PIEZO2: variants seen among roughly 807,000 people sequenced by gnomAD.
PIEZO2 encodes piezo type mechanosensitive ion channel component 2.
PIEZO2 carries 172 observed loss-of-function variants against 337.3 expected under a neutral mutation model. The observed-to-expected ratio is 0.51, with a 90% CI of 0.45 to 0.58. The LOEUF (loss-of-function observed/expected upper bound fraction) is 0.58, where lower values mean the gene tolerates loss of function less well. Among genes scored for constraint, PIEZO2 ranks in the 20% least tolerant of loss-of-function variants. PIEZO2 has a pLI of 0.00. For synonymous variants in PIEZO2, 1,251 were observed against 1,228.5 expected, an observed-to-expected ratio of 1.02 and a Z score of -0.38; for missense variants, 3,028 against 3,391.3, an observed-to-expected ratio of 0.89 and a Z score of 2.66.
At position 10,727,059 on chromosome 18, in the gene PIEZO2, G is replaced by GC. The variant is rs2036573540; in HGVS notation, c.5029+4347dup. On this transcript the variant is annotated intron_variant, in intron 36 of 55. Coordinates refer to ENST00000674853, the MANE Select transcript of PIEZO2 (RefSeq NM_001378183.1). The surrounding 1 kb of genome is among the most constrained non-coding windows in gnomAD (Gnocchi z 6.3). ...GTGTTTCTTGGGGGGTGTTGGGAGG[G>GC]CAGGAGCATTCCTTGAGAAGGAGTG... 1.8e-6 allele frequency: 1 copy of GC among 564,884 alleles called. No homozygotes were observed. Among genetic ancestry groups the GC allele is most frequent in the Admixed American group, 3.6e-5 (1 of 27,884 alleles). 35.0% of individuals were successfully genotyped at this position (564,884 alleles called of 1,614,324 possible).
At chr18:10,693,472 C>A (rs967157617) in intron 47 of PIEZO2, among the ~76,000 whole-genome samples, 1 of 151,714 alleles carries the variant, frequency 6.6e-6, no homozygotes. Flanking sequence ...AGGGTTCAAG[C>A]GATTCTCCTG....
intron 4 of PIEZO2, among the ~76,000 whole-genome samples, chr18:10,875,820 A>G (rs1161259502): frequency 3.3e-5 from 5 of 152,190 alleles, no homozygotes; most frequent in Admixed American, 2.6e-4. Flanking sequence ...TTGGTCCCAA[A>G]AGAGACATTT....
chr18:10,840,741 G>C (rs184098272), intron 7 of PIEZO2, among the ~76,000 whole-genome samples: 1 of 152,298 alleles, frequency 6.6e-6, no homozygotes, highest in Admixed American at 6.5e-5. Context: ...AATTGGATCT[G>C]CTATATGAAC....
rs2040618589 is a variant in PIEZO2, at chr18:10,824,731, A to G, written c.918-17457T>C. ...AAACATACTACAGAGAATTCTCTAT[A>G]CCCATTTTCCTCGACTGTTAAATCT... On this transcript the variant is annotated intron_variant, in intron 7 of 55. Transcript: ENST00000674853. This position sits in a 1 kb window ranked among gnomAD's most constrained non-coding sequence, Gnocchi z 4.4. Among the ~76,000 whole-genome samples the G allele has an allele frequency of 6.6e-6, 1 of 152,186 alleles. No individual in the cohort carries two copies. The highest frequency in any genetic ancestry group is 2.4e-5 in the African/African-American group (1 of 41,442).
rs1355510185 is a variant in PIEZO2 at position 10,748,426 on chromosome 18, G to A, written c.4424+45C>T. 6.6e-7 allele frequency: 1 copy of A among 1,518,228 alleles called. No individual in the cohort carries two copies. Among genetic ancestry groups the A allele is most frequent in the East Asian group, 2.5e-5 (1 of 40,738 alleles). The allele number at this position is 1,518,228 out of a possible 1,614,324, so 94.0% of individuals were successfully genotyped here. Reference sequence around the variant, plus strand: ...AAATGATAGTGCAATATTATTTCAGGCAAGTTTCCTGGGAGAAACCACCTG... The same window carrying A: ...AAATGATAGTGCAATATTATTTCAGACAAGTTTCCTGGGAGAAACCACCTG... On this transcript the variant is annotated intron_variant, in intron 30 of 55. Coordinates refer to ENST00000674853, the MANE Select transcript of PIEZO2 (RefSeq NM_001378183.1). The surrounding 1 kb of genome is among the most constrained non-coding windows in gnomAD (Gnocchi z 5.1).
chr18:10,812,054 C>T lies in PIEZO2; in HGVS notation c.918-4780G>A, dbSNP rs898720097. ...TTCACCGTGTTAGCCAGGATGGTCT[C>T]GATCTCCTGACCTCGTGATCTGCCC... On this transcript the variant is annotated intron_variant, in intron 7 of 55. Transcript: ENST00000674853. 1.2e-4 allele frequency among the ~76,000 whole-genome samples: 18 copies of T among 152,156 alleles called. No individual in the cohort carries two copies. In the East Asian group the frequency reaches 3.5e-3, roughly 29 times the overall value.
chr18:10,952,408 A>T lies in PIEZO2; in HGVS notation c.286+27127T>A, dbSNP rs1040800947. Reference sequence around the variant, plus strand: ...TCCCCTGATCCTCCACCCCATGGTGAGCAATGATGCACTTTCTACCCTTAC... The same window carrying T: ...TCCCCTGATCCTCCACCCCATGGTGTGCAATGATGCACTTTCTACCCTTAC... On this transcript the variant is annotated intron_variant, in intron 3 of 55. Coordinates refer to ENST00000674853, the MANE Select transcript of PIEZO2 (RefSeq NM_001378183.1). This position sits in a 1 kb window ranked among gnomAD's most constrained non-coding sequence, Gnocchi z 4.1. Among the ~76,000 whole-genome samples, 1 of 152,196 alleles carries T rather than the reference A, an allele frequency of 6.6e-6. No individual in the cohort carries two copies. Among genetic ancestry groups the T allele is most frequent in the Non-Finnish European group, 1.5e-5 (1 of 68,034 alleles).
chr18:10,808,884 G>A (rs544330216), intron 7 of PIEZO2, among the ~76,000 whole-genome samples: 5 of 152,192 alleles, frequency 3.3e-5, no homozygotes, highest in Non-Finnish European at 7.3e-5. Context: ...TCTTCCAGCC[G>A]CTGAGTCCTT....
At chr18:10,938,036 C>T (rs2032504023) in intron 3 of PIEZO2, among the ~76,000 whole-genome samples, 1 of 152,266 alleles carries the variant, frequency 6.6e-6, no homozygotes, top group East Asian at 1.9e-4. Context: ...GCACGTTTTG[C>T]CTCTAATGTG....
Position 10,767,656 on chromosome 18 carries a change from CTT to C in PIEZO2, c.2946+2490_2946+2491del, listed in dbSNP as rs1280036001. On this transcript the variant is annotated intron_variant, in intron 21 of 55. Transcript: ENST00000674853. The surrounding 1 kb of genome is among the most constrained non-coding windows in gnomAD (Gnocchi z 4.2). ...GCTCTGGTTACAGGGTGCAGAGTCTCTTTGCTGGGCTCCATGTGTACAAGCAG... is the reference window on the plus strand; with the variant it reads ...GCTCTGGTTACAGGGTGCAGAGTCTCTGCTGGGCTCCATGTGTACAAGCAG... Among the ~76,000 whole-genome samples, 3 of 152,144 alleles carry C rather than the reference CTT, an allele frequency of 2.0e-5. No homozygotes were observed. The highest frequency in any genetic ancestry group is 7.2e-5 in the African/African-American group (3 of 41,430).
intron 48 of PIEZO2, among the ~76,000 whole-genome samples, 192 bp from the exon 49 acceptor site, chr18:10,689,994 A>AT (rs560775412): frequency 7.2e-4 from 110 of 152,222 alleles, no homozygotes; most frequent in Non-Finnish European, 1.3e-3. Flanking sequence ...ATGGATTTGT[A>AT]TTTTTTCATT....
intron 3 of PIEZO2, among the ~76,000 whole-genome samples, chr18:10,934,744 T>C (rs1163253387): frequency 6.6e-6 from 1 of 151,300 alleles, no homozygotes; most frequent in Non-Finnish European, 1.5e-5. Context: ...AATAATGGGC[T>C]TAACTTAATG....
chr18:10,710,420 C>T (rs1234636345), intron 39 of PIEZO2, among the ~76,000 whole-genome samples: 1 of 152,216 alleles, frequency 6.6e-6, no homozygotes, highest in African/African-American at 2.4e-5. Flanking sequence ...ACACAGCAAC[C>T]CCTCAGAGGA....
chr18:10,880,850 TATATATATATATA>T (rs1356680907), intron 4 of PIEZO2, among the ~76,000 whole-genome samples: 1 of 5,466 alleles, frequency 1.8e-4, no homozygotes, highest in African/African-American at 6.0e-4. Context: ...ACATATCATA[TATATATATATATA>T]TATATATATA....
intron 2 of PIEZO2, among the ~76,000 whole-genome samples, chr18:11,024,028 C>T (rs1185638122): frequency 6.6e-6 from 1 of 152,206 alleles, no homozygotes; most frequent in Non-Finnish European, 1.5e-5. Context: ...TGCGCCTCTC[C>T]CTCCACACCT....
chr18:10,762,178 A>G (rs1420644856), intron 23 of PIEZO2, among the ~76,000 whole-genome samples: 3 of 152,208 alleles, frequency 2.0e-5, no homozygotes, highest in African/African-American at 7.2e-5. Flanking sequence ...CTTTTTAAAA[A>G]TCTTACTATA....
Position 10,724,892 on chromosome 18 carries a change from G to A in PIEZO2, c.5029+6515C>T, listed in dbSNP as rs1428946625. On this transcript the variant is annotated intron_variant, in intron 36 of 55. Transcript: ENST00000674853. The surrounding 1 kb of genome is among the most constrained non-coding windows in gnomAD (Gnocchi z 5.8). ...TACTCTGTAAATAGTACTGGCCGGC[G>A]GGGGCGTGGCACCCTGGGACAGCCT... 5.0e-6 allele frequency: 8 copies of A among 1,609,118 alleles called. No individual in the cohort carries two copies. Among genetic ancestry groups the A allele is most frequent in the African/African-American group, 4.0e-5 (3 of 74,828 alleles).
intron 3 of PIEZO2, among the ~76,000 whole-genome samples, chr18:10,961,666 G>A (rs1053398236): frequency 6.6e-6 from 1 of 152,176 alleles, no homozygotes; most frequent in African/African-American, 2.4e-5. Context: ...TAATGCCACA[G>A]CCAGGTATGC....
chr18:10,914,324 T>A (rs112125651), intron 3 of PIEZO2, among the ~76,000 whole-genome samples: 1 of 151,856 alleles, frequency 6.6e-6, no homozygotes, highest in Non-Finnish European at 1.5e-5. Context: ...GGAAAATATA[T>A]AGCATGGAGA....
Sources: allele counts gnomAD v4.1 joint callset (sites outside exome capture counted in the v4.1 genomes callset), GRCh38; gene constraint gnomAD v4.1.1; non-coding constraint Gnocchi (gnomAD v3.1); transcripts MANE v1.5; gene names NCBI Gene and HGNC (gene_info 2026-07-23, HGNC 2026-07-21).